Variants in CACHD1 observed in about 807,000 individuals in gnomAD.
The protein encoded by CACHD1 is VWFA and cache domain-containing protein 1.
CACHD1 carries 71 observed loss-of-function variants against 138.7 expected under a neutral mutation model. The ratio of observed to expected loss-of-function variants is 0.51; its 90% CI spans 0.42 to 0.62. The LOEUF (loss-of-function observed/expected upper bound fraction) is 0.62. Among genes scored for constraint, CACHD1 ranks in the 20% least tolerant of loss-of-function variants. CACHD1 has a pLI of 0.00. For synonymous variants in CACHD1, 578 were observed against 591.5 expected (o/e 0.98, Z 0.33); for missense variants, 1,389 against 1,625.3 (o/e 0.85, Z 2.50).
At chr1:64,680,924 T>G (rs1433273865) in intron 24 of CACHD1, among the ~76,000 whole-genome samples, 2 of 152,246 alleles carry the variant, frequency 1.3e-5, no homozygotes, top group Non-Finnish European at 2.9e-5. Flanking sequence ...TTGCACCATT[T>G]CACCAACACA....
intron 26 of CACHD1, among the ~76,000 whole-genome samples, chr1:64,683,144 C>T (rs934979344): frequency 6.6e-6 from 1 of 152,172 alleles, no homozygotes; most frequent in South Asian, 2.1e-4. Flanking sequence ...GGTCTTCAAA[C>T]TCCCTTTGGC....
In CACHD1 at chr1:64,588,265, T is replaced by C. The variant is rs541715931; in HGVS notation, c.410+5961T>C. On this transcript the variant is annotated intron_variant, in intron 3 of 26. Coordinates refer to ENST00000651257, the MANE Select transcript of CACHD1 (RefSeq NM_020925.4). ...AAATGTCCATTCTCATTCTCTCAAGTTTTAAAGAATATAACTCCTTTAGGC... is the reference window on the plus strand; with the variant it reads ...AAATGTCCATTCTCATTCTCTCAAGCTTTAAAGAATATAACTCCTTTAGGC... Among the ~76,000 whole-genome samples the C allele has an allele frequency of 4.6e-5, 7 of 152,284 alleles. No individual in the cohort carries two copies. In the South Asian group the frequency reaches 1.5e-3, roughly 32 times the overall value.
At chr1:64,568,775 C>G (rs577895616) in intron 2 of CACHD1, among the ~76,000 whole-genome samples, 29 of 152,286 alleles carry the variant, frequency 1.9e-4, no homozygotes, top group Admixed American at 1.7e-3. Context: ...CTTACATACA[C>G]TCATGCACAC....
intron 16 of CACHD1, among the ~76,000 whole-genome samples, chr1:64,667,000 T>G (rs771357937): frequency 5.9e-5 from 9 of 152,312 alleles, no homozygotes; most frequent in Admixed American, 1.3e-4. Flanking sequence ...AACTATCTCT[T>G]GAAAAATTAA....
chr1:64,547,175 T>G (rs1427743229), intron 1 of CACHD1, among the ~76,000 whole-genome samples: 1 of 152,214 alleles, frequency 6.6e-6, no homozygotes, highest in Non-Finnish European at 1.5e-5. Context: ...CATACAGTTG[T>G]TATGAAGATC....
chr1:64,620,890 T>G (rs1025444281), intron 4 of CACHD1, among the ~76,000 whole-genome samples: 1 of 152,190 alleles, frequency 6.6e-6, no homozygotes, highest in Non-Finnish European at 1.5e-5. Context: ...ACTATTAAGA[T>G]CTTGTGCCTT....
chr1:64,651,873 G>T (rs912306909), intron 9 of CACHD1, among the ~76,000 whole-genome samples: 2 of 152,168 alleles, frequency 1.3e-5, no homozygotes, highest in Non-Finnish European at 2.9e-5. Flanking sequence ...GATCTGGAAG[G>T]TCTTATCTTT....
At chr1:64,522,446 T>C (rs1646505413) in intron 1 of CACHD1, among the ~76,000 whole-genome samples, 1 of 152,130 alleles carries the variant, frequency 6.6e-6, no homozygotes, top group South Asian at 2.1e-4. Context: ...TAGCTGGGAT[T>C]ACAGGCACAT....
intron 12 of CACHD1, 95 bp from the exon 13 acceptor site, chr1:64,658,604 GAAGATA>G: frequency 5.3e-6 from 4 of 759,584 alleles, no homozygotes; most frequent in Non-Finnish European, 8.3e-6. Flanking sequence ...CCTTCCACGT[GAAGATA>G]GAAGGTAGAG....
chr1:64,549,477 T>TTTGC (rs1298464473), intron 1 of CACHD1, among the ~76,000 whole-genome samples: 1 of 152,178 alleles, frequency 6.6e-6, no homozygotes, highest in Non-Finnish European at 1.5e-5. Context: ...CTCAAGTTTG[T>TTTGC]TTGCTTCCCT....
chr1:64,665,694 AT>A (rs1327702664), intron 15 of CACHD1, among the ~76,000 whole-genome samples: 3 of 152,176 alleles, frequency 2.0e-5, no homozygotes. Context: ...TTTCTTTGAA[AT>A]TTACAGAGTA....
chr1:64,634,846 A>G (rs1040485396), intron 7 of CACHD1, among the ~76,000 whole-genome samples: 1 of 151,882 alleles, frequency 6.6e-6, no homozygotes, highest in African/African-American at 2.4e-5. Flanking sequence ...TACAAAAAAA[A>G]TTAGGCAGGC....
intron 6 of CACHD1, 50 bp downstream of exon 6, chr1:64,632,793 C>CT (rs1273106297): frequency 1.2e-6 from 2 of 1,602,504 alleles, no homozygotes; most frequent in East Asian, 2.2e-5. Flanking sequence ...CCTTGAATGC[C>CT]TTTTTTAAAG....
chr1:64,583,317 G>T (rs1018788515), intron 3 of CACHD1, among the ~76,000 whole-genome samples: 5 of 152,090 alleles, frequency 3.3e-5, no homozygotes, highest in African/African-American at 1.2e-4. Context: ...CATACTAGTT[G>T]TTCTCTAAAC....
At chr1:64,620,009 C>T (rs1014235807) in intron 4 of CACHD1, among the ~76,000 whole-genome samples, 1 of 152,020 alleles carries the variant, frequency 6.6e-6, no homozygotes, top group Non-Finnish European at 1.5e-5. Flanking sequence ...TACCTGGTCT[C>T]TTATTGTTAT....
Position 64,634,199 on chromosome 1 carries a change from G to A in CACHD1, c.945G>A (p.Val315=), listed in dbSNP as rs778246703. Residue 315 remains valine (V), a synonymous_variant, in exon 7 of 27, where the codon GTG becomes GTA. Transcript: ENST00000651257. ...KSSDSPTQHA[V]GFQKAFQLIR... ...CAGACAGTCCTACCCAGCACGCAGT[G>A]GGATTCCAAAAGGCATTTCAGCTGA... The A allele has an allele frequency of 1.9e-6, 3 of 1,613,552 alleles. No homozygotes were observed. Among genetic ancestry groups the A allele is most frequent in the Non-Finnish European group, 2.5e-6 (3 of 1,179,926 alleles).
At chr1:64,475,321 A>G (rs1646168857) in intron 1 of CACHD1, among the ~76,000 whole-genome samples, 1 of 151,430 alleles carries the variant, frequency 6.6e-6, no homozygotes, top group South Asian at 2.1e-4. Flanking sequence ...ACATACCATC[A>G]CACCCTGCTA....
At chr1:64,532,327 GAAC>G (rs755702969) in intron 1 of CACHD1, among the ~76,000 whole-genome samples, 1 of 152,212 alleles carries the variant, frequency 6.6e-6, no homozygotes, top group Admixed American at 6.5e-5. Flanking sequence ...AGGACACTGG[GAAC>G]AACAACAACA....
chr1:64,632,752 G>C lies in CACHD1; in HGVS notation c.789+9G>C. On this transcript the variant is annotated intron_variant, in intron 6 of 26. Coordinates refer to ENST00000651257, the MANE Select transcript of CACHD1 (RefSeq NM_020925.4). ...TCGATGAACATGACAAGGTGACCAT[G>C]ACCCTTGTGACCCCTATGGCATCAG... The C allele has an allele frequency of 6.2e-7, 1 of 1,613,988 alleles. No homozygotes were observed.
Sources: gnomAD v4.1 joint callset for allele counts (sites outside exome capture counted in the v4.1 genomes callset) on GRCh38, gnomAD v4.1.1 for gene constraint, MANE v1.5 for transcripts, NCBI Gene and HGNC (gene_info 2026-07-23, HGNC 2026-07-21) for gene names.